Variants in PCDHB16 observed in about 807,000 individuals in gnomAD.
PCDHB16 encodes protocadherin beta-16.
For synonymous variants in PCDHB16, 444 were observed against 436.5 expected (o/e 1.02, Z -0.21); for missense variants, 1,026 against 989.9 (o/e 1.04, Z -0.49).
rs782361733 is a variant in PCDHB16, at chr5:141,183,532, G to A, written c.973G>A (p.Gly325Arg). The stretch of plus-strand genomic sequence containing the variant: ...AGTGCGCATCAAAGCCACAGATGGG[G>A]GAGGTCTTTCAGGAAAGTGCACTCT... ...YEVRIKATDG[G>R]GLSGKCTLLL... Residue 325 changes from glycine to arginine, a missense_variant, in exon 1 of 1, where the codon GGA (glycine) becomes AGA (arginine). Gly to Arg is a moderately radical substitution (Grantham distance 125, BLOSUM62 -2). Coordinates refer to ENST00000609684, the MANE Select transcript of PCDHB16 (RefSeq NM_020957.4). 22 of 1,614,126 alleles carry A rather than the reference G, an allele frequency of 1.4e-5. No homozygotes were observed. The East Asian group carries it at 4.2e-4, about 31-fold the overall frequency.
chr5:141,183,249 T>A lies in PCDHB16; in HGVS notation c.690T>A (p.Ile230=), dbSNP rs1753612537. ...GATCTGGAACTGCTCAGGTCCGTAT[T>A]GAAGTGGTGGACATCAATGATAACG... The part of the protein sequence containing the change: ...PPRSGTAQVR[I]EVVDINDNAP... The change falls in exon 1 of 1, where the codon ATT becomes ATA. Residue 230 remains isoleucine (I), a synonymous_variant. Coordinates refer to ENST00000609684, the MANE Select transcript of PCDHB16 (RefSeq NM_020957.4). 1 of 1,614,028 alleles carries A rather than the reference T, an allele frequency of 6.2e-7. No homozygotes were observed. The highest frequency in any genetic ancestry group is 8.5e-7 in the Non-Finnish European group (1 of 1,180,034).
In PCDHB16 at chr5:141,184,736, C is replaced by T. The variant is rs782620277; in HGVS notation, c.2177C>T (p.Ser726Leu). 26 of 1,614,030 alleles carry T rather than the reference C, an allele frequency of 1.6e-5. No homozygotes were observed. Among genetic ancestry groups the T allele is most frequent in the Non-Finnish European group, 2.0e-5 (24 of 1,180,050 alleles). ...AGGGCGGCCTCGGTGGGCCGCTGCT[C>T]GATGCCTGAGGGCCCCTTTCCAGGG... ...RSRAASVGRC[S>L]MPEGPFPGRL... The change falls in exon 1 of 1, where the codon TCG becomes TTG. Residue 726 changes from serine to leucine, a missense_variant. Ser to Leu is a moderately radical substitution (Grantham distance 145). Coordinates refer to ENST00000609684, the MANE Select transcript of PCDHB16 (RefSeq NM_020957.4).
rs782667404 is a variant in PCDHB16, at chr5:141,183,761, A to G, written c.1202A>G (p.Tyr401Cys). 5.6e-6 allele frequency: 9 copies of G among 1,614,222 alleles called. No homozygotes were observed. In the South Asian group the frequency reaches 8.8e-5, roughly 16 times the overall value. ...CTAAAACCTTCAGTCAAGAACTTTT[A>G]CACCTTGGTAACGGAGAGAGCACTC... ...FLLKPSVKNF[Y>C]TLVTERALDR... Residue 401 changes from tyrosine (Y) to cysteine (C), a missense_variant, in exon 1 of 1, where the codon TAC becomes TGC. Transcript: ENST00000609684.
rs1354931280 is a variant in PCDHB16 at position 141,185,196 on chromosome 5, T to C, written c.*306T>C. The C allele has an allele frequency of 9.2e-7, 1 of 1,084,726 alleles. No individual in the cohort carries two copies. Among genetic ancestry groups the C allele is most frequent in the Non-Finnish European group, 1.1e-6 (1 of 879,372 alleles). The allele number at this position is 1,084,726 out of a possible 1,614,324, so 67.2% of individuals were successfully genotyped here. ...AAAATTTTTCCGTCTTTATATTTTA[T>C]TTACTTCCTATTCATTTTTTGCTCC... On this transcript the variant is annotated 3_prime_UTR_variant, in exon 1 of 1. Transcript: ENST00000609684.
chr5:141,184,411 T>A lies in PCDHB16; in HGVS notation c.1852T>A (p.Trp618Arg). The A allele has an allele frequency of 6.2e-7, 1 of 1,606,716 alleles. No homozygotes were observed. The highest frequency in any genetic ancestry group is 1.3e-5 in the African/African-American group (1 of 74,882). Residue 618 changes from tryptophan to arginine, a missense_variant, in exon 1 of 1, where the codon TGG becomes AGG. Coordinates refer to ENST00000609684, the MANE Select transcript of PCDHB16 (RefSeq NM_020957.4). ...CACGGAGCCCGGGCTGTTCGGTGTG[T>A]GGGCGCACAATGGCGAGGTGCGCAC... is the stretch of plus-strand genomic sequence containing the variant. ...KATEPGLFGV[W>R]AHNGEVRTAR...
At position 141,184,684 on chromosome 5, in the gene PCDHB16, G is replaced by A. The variant is rs1554282455; in HGVS notation, c.2125G>A (p.Val709Met). The stretch of plus-strand genomic sequence containing the variant: ...CTTCCTCTTTTCGGTGCTCCTGTTC[G>A]TGGCGGTGCGGCTGTGCAGGAGGAG... ...SLFLFSVLLF[V>M]AVRLCRRSRA... The change falls in exon 1 of 1, where the codon GTG (valine) becomes ATG (methionine). Residue 709 changes from valine (V) to methionine (M), a missense_variant. Val to Met is a conservative substitution (Grantham distance 21, BLOSUM62 1). Transcript: ENST00000609684. 6.2e-6 allele frequency: 10 copies of A among 1,612,282 alleles called. No homozygotes were observed. The highest frequency in any genetic ancestry group is 1.1e-5 in the South Asian group (1 of 90,990).
In PCDHB16 at chr5:141,183,153, A is replaced by G. The variant is rs1753609182; in HGVS notation, c.594A>G (p.Lys198=). The G allele has an allele frequency of 6.2e-7, 1 of 1,614,214 alleles. No homozygotes were observed. Among genetic ancestry groups the G allele is most frequent in the Middle Eastern group, 1.6e-4 (1 of 6,062 alleles). ...AATACCCTGAGCTAGTGTTGGATAA[A>G]GAGCTGGATCGGGAGGAGGAGCCTC... ...GRKYPELVLD[K]ELDREEEPQL... is the part of the protein sequence containing the mutation. The change falls in exon 1 of 1, where the codon AAA becomes AAG. Residue 198 remains lysine, a synonymous_variant. Coordinates refer to ENST00000609684, the MANE Select transcript of PCDHB16 (RefSeq NM_020957.4).
rs781801155 is a variant in PCDHB16 at position 141,184,877 on chromosome 5, A to T, written c.2318A>T (p.Asn773Ile). Residue 773 changes from asparagine to isoleucine, a missense_variant, in exon 1 of 1, where the codon AAC becomes ATC. Transcript: ENST00000609684. ...AAGTTCCTGAAGCCGATTATCCCCA[A>T]CTTCTCTCCTTAGGGCACTAGGAAA... ...EFKFLKPIIP[N>I]FSP 6.2e-7 allele frequency: 1 copy of T among 1,614,012 alleles called. No homozygotes were observed. The highest frequency in any genetic ancestry group is 2.2e-5 in the East Asian group (1 of 44,862).
Position 141,185,987 on chromosome 5 carries a change from TC to T in PCDHB16, c.*1100del. ...TATTACTGAATTAAAAAATCAGAGG[TC>T]CCTGTTATATTTTTAATGGCTAACA... On this transcript the variant is annotated 3_prime_UTR_variant, in exon 1 of 1. Transcript: ENST00000609684. The T allele has an allele frequency of 1.0e-6, 1 of 963,378 alleles. No homozygotes were observed. The highest frequency in any genetic ancestry group is 1.3e-6 in the Non-Finnish European group (1 of 796,732). 59.7% of individuals were successfully genotyped at this position (963,378 alleles called of 1,614,324 possible).
chr5:141,185,188 A>G lies in PCDHB16; in HGVS notation c.*298A>G. 1.8e-6 allele frequency: 2 copies of G among 1,108,402 alleles called. No homozygotes were observed. Among genetic ancestry groups the G allele is most frequent in the South Asian group, 3.6e-5 (1 of 28,122 alleles). The allele number at this position is 1,108,402 out of a possible 1,614,324, so 68.7% of individuals were successfully genotyped here. A position where few individuals can be genotyped will look rare whatever the true frequency, so the allele number is the denominator to read the frequency against. ...TGTCATTTAAAATTTTTCCGTCTTT[A>G]TATTTTATTTACTTCCTATTCATTT... On this transcript the variant is annotated 3_prime_UTR_variant, in exon 1 of 1. Coordinates refer to ENST00000609684, the MANE Select transcript of PCDHB16 (RefSeq NM_020957.4).
chr5:141,185,408 T>C lies in PCDHB16; in HGVS notation c.*518T>C, dbSNP rs1286674510. The C allele has an allele frequency of 5.8e-5, 10 of 173,330 alleles. No individual in the cohort carries two copies. Among genetic ancestry groups the C allele is most frequent in the Non-Finnish European group, 8.6e-5 (10 of 115,988 alleles). 10.7% of individuals were successfully genotyped at this position (173,330 alleles called of 1,614,324 possible). A position where few individuals can be genotyped will look rare whatever the true frequency, so the allele number is the denominator to read the frequency against. On this transcript the variant is annotated 3_prime_UTR_variant, in exon 1 of 1. Coordinates refer to ENST00000609684, the MANE Select transcript of PCDHB16 (RefSeq NM_020957.4). Reference sequence around the variant, plus strand: ...TTCTTTCTTTCTTTTCTTTTCTTTCTTTTTTTTTTTTTCCTTTTTGAGACA... The same window carrying C: ...TTCTTTCTTTCTTTTCTTTTCTTTCCTTTTTTTTTTTTCCTTTTTGAGACA...
Position 141,185,122 on chromosome 5 carries a change from A to G in PCDHB16, c.*232A>G. On this transcript the variant is annotated 3_prime_UTR_variant, in exon 1 of 1. Transcript: ENST00000609684. ...TTTACCCCGAAGAGGTGTTGCATAT[A>G]GAATCCCAATTAACAAAATATACTT... The G allele has an allele frequency of 7.6e-7, 1 of 1,316,630 alleles. No homozygotes were observed. The highest frequency in any genetic ancestry group is 9.7e-7 in the Non-Finnish European group (1 of 1,028,930). 81.6% of individuals were successfully genotyped at this position (1,316,630 alleles called of 1,614,324 possible). A position where few individuals can be genotyped will look rare whatever the true frequency, so the allele number is the denominator to read the frequency against.
At position 141,183,795 on chromosome 5, in the gene PCDHB16, A is replaced by G; in HGVS notation, c.1236A>G (p.Glu412=). Residue 412 remains glutamate, a synonymous_variant, in exon 1 of 1, where the codon GAA becomes GAG. Transcript: ENST00000609684. ...TLVTERALDR[E]ARAEYNITLT... ...TAACGGAGAGAGCACTCGACAGAGA[A>G]GCAAGAGCTGAATATAATATCACCC... 1 of 1,614,184 alleles carries G rather than the reference A, an allele frequency of 6.2e-7. No individual in the cohort carries two copies. The highest frequency in any genetic ancestry group is 8.5e-7 in the Non-Finnish European group (1 of 1,179,982).
rs4151695 is a variant in PCDHB16 at position 141,182,498 on chromosome 5, A to C, written c.-62A>C. ...GTTCTGACATTCTGGACTGCAAAAC[A>C]GTTCTACTAGGATCCTGGGGATACA... On this transcript the variant is annotated 5_prime_UTR_variant, in exon 1 of 1. Coordinates refer to ENST00000609684, the MANE Select transcript of PCDHB16 (RefSeq NM_020957.4). 240,440 of 1,427,140 alleles carry C rather than the reference A, an allele frequency of 0.17. 21,692 individuals are homozygous for C. The highest frequency in any genetic ancestry group is 0.24 in the African/African-American group (16,994 of 70,068). 88.4% of individuals were successfully genotyped at this position (1,427,140 alleles called of 1,614,324 possible).
chr5:141,183,769 G>C lies in PCDHB16; in HGVS notation c.1210G>C (p.Val404Leu). The change falls in exon 1 of 1, where the codon GTA (valine) becomes CTA (leucine). Residue 404 changes from valine (V) to leucine (L), a missense_variant. Transcript: ENST00000609684. ...TTCAGTCAAGAACTTTTACACCTTG[G>C]TAACGGAGAGAGCACTCGACAGAGA... ...KPSVKNFYTL[V>L]TERALDREAR... 6.2e-7 allele frequency: 1 copy of C among 1,614,096 alleles called. No homozygotes were observed. The highest frequency in any genetic ancestry group is 8.5e-7 in the Non-Finnish European group (1 of 1,180,030).
chr5:141,183,356 C>T lies in PCDHB16; in HGVS notation c.797C>T (p.Ala266Val). 1 of 1,614,106 alleles carries T rather than the reference C, an allele frequency of 6.2e-7. No homozygotes were observed. The highest frequency in any genetic ancestry group is 8.5e-7 in the Non-Finnish European group (1 of 1,180,028). ...PLGSLVATVS[A>V]RDLDGGANGK... ...GGCTCCCTGGTTGCCACCGTCTCCG[C>T]CAGGGATTTAGACGGCGGAGCCAAT... is the stretch of plus-strand genomic sequence containing the variant. Residue 266 changes from alanine to valine, a missense_variant, in exon 1 of 1, where the codon GCC (alanine) becomes GTC (valine). Coordinates refer to ENST00000609684, the MANE Select transcript of PCDHB16 (RefSeq NM_020957.4).
chr5:141,183,510 G>A lies in PCDHB16; in HGVS notation c.951G>A (p.Val317=), dbSNP rs1753620953. Residue 317 remains valine, a synonymous_variant, in exon 1 of 1, where the codon GTG becomes GTA. Coordinates refer to ENST00000609684, the MANE Select transcript of PCDHB16 (RefSeq NM_020957.4). ...TCGAAATGGTTACGTCTTATGAAGT[G>A]CGCATCAAAGCCACAGATGGGGGAG... The part of the protein sequence containing the change: ...VDFEMVTSYE[V]RIKATDGGGL... 1 of 1,614,218 alleles carries A rather than the reference G, an allele frequency of 6.2e-7. No individual in the cohort carries two copies. The highest frequency in any genetic ancestry group is 8.5e-7 in the Non-Finnish European group (1 of 1,180,042).
chr5:141,182,988 G>T lies in PCDHB16; in HGVS notation c.429G>T (p.Pro143=). 1 of 1,614,130 alleles carries T rather than the reference G, an allele frequency of 6.2e-7. No homozygotes were observed. Among genetic ancestry groups the T allele is most frequent in the Non-Finnish European group, 8.5e-7 (1 of 1,180,002 alleles). The stretch of plus-strand genomic sequence containing the variant: ...AAAAGGAAATGATTCTAAAAATACC[G>T]GAAAACAGTCCTCTAGGAACTGAGT... The part of the protein sequence containing the change: ...FTEKEMILKI[P]ENSPLGTEFP... The change falls in exon 1 of 1, where the codon CCG becomes CCT. Residue 143 remains proline, a synonymous_variant. Transcript: ENST00000609684.
In PCDHB16 at chr5:141,182,549, A is replaced by C. The variant is rs200040525; in HGVS notation, c.-11A>C. 3.6e-4 allele frequency: 544 copies of C among 1,509,972 alleles called. 3 individuals are homozygous for C. The highest frequency in any genetic ancestry group is 2.3e-3 in the South Asian group (168 of 72,328). The allele number at this position is 1,509,972 out of a possible 1,614,324, so 93.5% of individuals were successfully genotyped here. A position where few individuals can be genotyped will look rare whatever the true frequency, so the allele number is the denominator to read the frequency against. On this transcript the variant is annotated 5_prime_UTR_variant, in exon 1 of 1. Transcript: ENST00000609684. ...TGAAGCTTCTGTGAACCAACTTTTC[A>C]AGAAAAAGCAATGGAGATTGGATGG...
Sources: gnomAD v4.1 joint callset for allele counts on GRCh38, gnomAD v4.1.1 for gene constraint, MANE v1.5 for transcripts, NCBI Gene and HGNC (gene_info 2026-07-23, HGNC 2026-07-21) for gene names.